The following ATAD2B variants were observed in gnomAD, a reference collection of about 807,000 sequenced individuals.
The protein encoded by ATAD2B is ATPase family AAA domain-containing protein 2B.
A neutral mutation model predicts 167.6 loss-of-function variants in ATAD2B; 40 were observed. That is an observed-to-expected ratio of 0.24 (90% confidence interval 0.19 to 0.31). ATAD2B has a LOEUF of 0.31. Among genes scored for constraint, ATAD2B ranks in the 10% least tolerant of loss-of-function variants. The probability of loss-of-function intolerance (pLI) is 1.00; values close to 1 mark genes in which losing one functional copy is unlikely to be tolerated. For missense variants in ATAD2B, 1,242 were observed against 1,757.2 expected, an observed-to-expected ratio of 0.71 and a Z score of 5.24; for synonymous variants, 579 against 596.5, an observed-to-expected ratio of 0.97 and a Z score of 0.43.
the ATAD2B span, among the ~76,000 whole-genome samples, chr2:23,734,993 T>C: frequency 1.6e-4 from 25 of 152,376 alleles, no homozygotes; most frequent in Admixed American, 1.2e-3. Context: ...AGTTACTATA[T>C]CTTGTTGAAA....
chr2:23,786,429 T>A (rs928815356), intron 20 of ATAD2B, among the ~76,000 whole-genome samples: 2 of 152,058 alleles, frequency 1.3e-5, no homozygotes, highest in African/African-American at 4.8e-5. Flanking sequence ...CAAACCTAGA[T>A]GGTATAGCCT....
At chr2:23,904,530 TTCC>T (rs1701237159) in intron 1 of ATAD2B, among the ~76,000 whole-genome samples, 1 of 124,106 alleles carries the variant, frequency 8.1e-6, no homozygotes. Context: ...GGAAAGGATT[TTCC>T]TTCCTTTTTT....
chr2:23,911,939 C>T (rs1310734224), intron 1 of ATAD2B, among the ~76,000 whole-genome samples: 1 of 143,410 alleles, frequency 7.0e-6, no homozygotes, highest in Non-Finnish European at 1.5e-5. Context: ...CACGCCATTG[C>T]ATACTCCAGC....
chr2:23,687,382 A>G, the ATAD2B span, among the ~76,000 whole-genome samples: 2 of 152,182 alleles, frequency 1.3e-5, no homozygotes, highest in Non-Finnish European at 2.9e-5. Context: ...AGGGAGGACA[A>G]TGACCCAGCA....
At chr2:23,819,920 A>G in intron 16 of ATAD2B, 38 bp from the exon 17 acceptor site, 1 of 1,464,862 alleles carries the variant, frequency 6.8e-7, no homozygotes, top group South Asian at 1.3e-5. Flanking sequence ...GGGCTTATAA[A>G]GTCATTTAAT....
In ATAD2B at chr2:23,823,354, T is replaced by C. The variant is rs1292515477; in HGVS notation, c.2035A>G (p.Ile679Val). 2 of 1,613,834 alleles carry C rather than the reference T, an allele frequency of 1.2e-6. No individual in the cohort carries two copies. Among genetic ancestry groups the C allele is most frequent in the Non-Finnish European group, 8.5e-7 (1 of 1,179,874 alleles). ...MSSGHALSPI[I>V]RPLLERSFNN... ...AAGCTTCTTTCCAGCAGTGGTCTTA[T>C]GATGGGGGATAGTGCATGCCCTGAA... The change falls in exon 16 of 28, where the codon ATA (isoleucine) becomes GTA (valine). Residue 679 changes from isoleucine (I) to valine (V), a missense_variant. Physicochemically the swap from Ile to Val is conservative, Grantham distance 29. Around this residue, in one of 9 missense-constraint regions of ATAD2B, gnomAD observed 145 missense variants for 181.9 expected, o/e 0.80. Coordinates refer to ENST00000238789, the MANE Select transcript of ATAD2B (RefSeq NM_017552.4).
At chr2:23,686,787 G>C in the ATAD2B span, among the ~76,000 whole-genome samples, 128 of 152,294 alleles carry the variant, frequency 8.4e-4, no homozygotes, top group South Asian at 2.5e-3. Context: ...GGTTTGTAGA[G>C]ATGGGGCTGG....
At chr2:23,758,276 A>AT (rs1676190859) in intron 24 of ATAD2B, among the ~76,000 whole-genome samples, 175 bp from the exon 25 acceptor site, 2 of 152,228 alleles carry the variant, frequency 1.3e-5, no homozygotes, top group Admixed American at 6.5e-5. Context: ...AATGGAATGG[A>AT]TATGAAGTCA....
chr2:23,907,479 A>G (rs1333590357), intron 1 of ATAD2B, among the ~76,000 whole-genome samples: 1 of 152,218 alleles, frequency 6.6e-6, no homozygotes, highest in Non-Finnish European at 1.5e-5. Context: ...GGATACAAAC[A>G]AATGGAAGAA....
chr2:23,696,004 C>A, the ATAD2B span: 1 of 1,551,650 alleles, frequency 6.4e-7, no homozygotes. This position sits in a 1 kb window ranked among gnomAD's most constrained non-coding sequence, Gnocchi z 5.5. Flanking sequence ...GGGGATGACC[C>A]AGCGCTCGCT....
chr2:23,754,949 CTAAG>C lies in ATAD2B; in HGVS notation c.4079-179_4079-176del, dbSNP rs1675784301. 4 of 561,426 alleles carry C rather than the reference CTAAG, an allele frequency of 7.1e-6. No individual in the cohort carries two copies. The East Asian group carries it at 1.3e-4, about 19-fold the overall frequency. The allele number at this position is 561,426 out of a possible 1,614,324, so 34.8% of individuals were successfully genotyped here. A position where few individuals can be genotyped will look rare whatever the true frequency, so the allele number is the denominator to read the frequency against. On this transcript the variant is annotated intron_variant, in intron 25 of 27. Coordinates refer to ENST00000238789, the MANE Select transcript of ATAD2B (RefSeq NM_017552.4). ...TGTGGTAGATTTTTTATTGGTAAGA[CTAAG>C]TAACCCAAATTAAAGAAAACTAAAC...
chr2:23,689,200 C>T, the ATAD2B span: 1 of 152,306 alleles, frequency 6.6e-6, no homozygotes, highest in Admixed American at 6.5e-5. Flanking sequence ...GATCATCTGC[C>T]CAGCGGCCCC....
At chr2:23,737,740 A>C in the ATAD2B span, among the ~76,000 whole-genome samples, 1 of 152,196 alleles carries the variant, frequency 6.6e-6, no homozygotes, top group African/African-American at 2.4e-5. Context: ...TCAGACGATC[A>C]AACTACTCCG....
At chr2:23,695,358 G>A in the ATAD2B span, among the ~76,000 whole-genome samples, 1 of 152,102 alleles carries the variant, frequency 6.6e-6, no homozygotes, top group African/African-American at 2.4e-5. This position sits in a 1 kb window ranked among gnomAD's most constrained non-coding sequence, Gnocchi z 7.6. Context: ...GTGCTGGGGG[G>A]ATGAACACAT....
At chr2:23,680,392 G>A in the ATAD2B span, among the ~76,000 whole-genome samples, 2 of 152,144 alleles carry the variant, frequency 1.3e-5, no homozygotes, top group Non-Finnish European at 2.9e-5. The surrounding 1 kb of genome is among the most constrained non-coding windows in gnomAD (Gnocchi z 4.1). Flanking sequence ...AAGAGGCCTG[G>A]GACAAAAATC....
At chr2:23,726,983 T>C in the ATAD2B span, among the ~76,000 whole-genome samples, 1 of 152,172 alleles carries the variant, frequency 6.6e-6, no homozygotes, top group African/African-American at 2.4e-5. Context: ...CTTTTAAAAA[T>C]ACATTAAATG....
At chr2:23,740,210 C>A in the ATAD2B span, among the ~76,000 whole-genome samples, 2 of 152,172 alleles carry the variant, frequency 1.3e-5, no homozygotes, top group Non-Finnish European at 2.9e-5. Flanking sequence ...ATGAGGCCAG[C>A]ATCATCCTGA....
At chr2:23,880,405 G>T (rs1484128481) in intron 7 of ATAD2B, among the ~76,000 whole-genome samples, 1 of 151,712 alleles carries the variant, frequency 6.6e-6, no homozygotes, top group Admixed American at 6.6e-5. Context: ...AGCCAGGATG[G>T]TCTCGAGCTC....
At chr2:23,742,783 C>T in the ATAD2B span, among the ~76,000 whole-genome samples, 1 of 150,650 alleles carries the variant, frequency 6.6e-6, no homozygotes, top group Non-Finnish European at 1.5e-5. Context: ...AAACTAAATA[C>T]CAAAGTAAAA....
Sources: gnomAD v4.1 joint callset for allele counts (sites outside exome capture counted in the v4.1 genomes callset) on GRCh38, gnomAD v4.1.1 for gene constraint, gnomAD v4.1.1 regional missense constraint, Gnocchi (gnomAD v3.1) non-coding constraint, MANE v1.5 for transcripts, NCBI Gene and HGNC (gene_info 2026-07-23, HGNC 2026-07-21) for gene names.